VWA5B1: variants seen among roughly 807,000 people sequenced by gnomAD.
VWA5B1 encodes the protein von Willebrand factor A domain-containing protein 5B1.
A neutral mutation model predicts 118.2 loss-of-function variants in VWA5B1; 115 were observed. The ratio of observed to expected loss-of-function variants is 0.97; its 90% CI spans 0.84 to 1.14. The LOEUF (loss-of-function observed/expected upper bound fraction) is 1.14. VWA5B1 is among the 50% of genes most tolerant of loss of function. The probability of loss-of-function intolerance (pLI) is 0.00; values close to 1 mark genes in which losing one functional copy is unlikely to be tolerated. For missense variants in VWA5B1, 1,596 were observed against 1,603.8 expected, an observed-to-expected ratio of 1.00 and a Z score of 0.08; for synonymous variants, 682 against 658.4, an observed-to-expected ratio of 1.04 and a Z score of -0.55.
rs189490035 is a variant in VWA5B1, at chr1:20,357,259, T to C, written c.*2996T>C. Among the ~76,000 whole-genome samples the C allele has an allele frequency of 1.3e-5, 2 of 152,356 alleles. No individual in the cohort carries two copies. The highest frequency in any genetic ancestry group is 3.9e-4 in the East Asian group (2 of 5,190). On this transcript the variant is annotated 3_prime_UTR_variant, in exon 22 of 22. Transcript: ENST00000289815. ...CTTCTGGCAAATTACTTGCTTTCTC[T>C]GAACCCCTGTTTCATCTTTTGTGGA...
In VWA5B1 at chr1:20,332,825, G is replaced by T; in HGVS notation, c.1632G>T (p.Trp544Cys). 1 of 1,551,792 alleles carries T rather than the reference G, an allele frequency of 6.4e-7. No homozygotes were observed. The highest frequency in any genetic ancestry group is 1.2e-5 in the South Asian group (1 of 84,066). ...APVLSDVTVE[W>C]IFPETTEVLV... ...TCCTGAGCGATGTGACTGTGGAGTG[G>T]ATCTTCCCTGAGACCACTGAGGTCC... Residue 544 changes from tryptophan to cysteine, a missense_variant, in exon 12 of 22, where the codon TGG (tryptophan) becomes TGT (cysteine). Coordinates refer to ENST00000289815, the MANE Select transcript of VWA5B1 (RefSeq NM_001039500.3).
intron 14 of VWA5B1, 110 bp downstream of exon 14, chr1:20,337,946 A>G: frequency 7.4e-7 from 1 of 1,345,554 alleles, no homozygotes. Flanking sequence ...TACACTGCCA[A>G]GTGAGTCACT....
chr1:20,294,800 G>A (rs757778072), intron 1 of VWA5B1, among the ~76,000 whole-genome samples: 1 of 152,114 alleles, frequency 6.6e-6, no homozygotes, highest in Non-Finnish European at 1.5e-5. Flanking sequence ...TGTTGGTCTG[G>A]CTGGTCTCAA....
rs1192043383 is a variant in VWA5B1 at position 20,332,776 on chromosome 1, C to A, written c.1583C>A (p.Ser528Tyr). 2 of 1,551,658 alleles carry A rather than the reference C, an allele frequency of 1.3e-6. No individual in the cohort carries two copies. Among genetic ancestry groups the A allele is most frequent in the Non-Finnish European group, 8.7e-7 (1 of 1,146,954 alleles). The change falls in exon 12 of 22, where the codon TCC becomes TAC. Residue 528 changes from serine (S) to tyrosine (Y), a missense_variant. Physicochemically the swap from Ser to Tyr is moderately radical, Grantham distance 144 (BLOSUM62 -2). Transcript: ENST00000289815. ...GERLQPKMVKSLKKAMAPVLS... is the reference protein window; with the variant it reads ...GERLQPKMVKYLKKAMAPVLS... ...GACCCTGCCCTACAGATGGTCAAAT[C>A]CTTGAAGAAGGCCATGGCCCCAGTC...
At chr1:20,298,779 C>T (rs1378955377) in intron 1 of VWA5B1, among the ~76,000 whole-genome samples, 1 of 152,162 alleles carries the variant, frequency 6.6e-6, no homozygotes, top group Non-Finnish European at 1.5e-5. Context: ...GGCCTCCTCT[C>T]TCTGCTTCCT....
In VWA5B1 at chr1:20,337,103, G is replaced by A. The variant is rs145744415; in HGVS notation, c.1943-543G>A. Among the ~76,000 whole-genome samples, 347 of 152,044 alleles carry A rather than the reference G, an allele frequency of 2.3e-3. 1 individual carries two copies. Among genetic ancestry groups the A allele is most frequent in the Non-Finnish European group, 3.6e-3 (247 of 67,986 alleles). ...ACACACAATTGGCTTCTGATCTAGTGTGTTTGACCCACTTTGTACCTTTTA... is the reference window on the plus strand; with the variant it reads ...ACACACAATTGGCTTCTGATCTAGTATGTTTGACCCACTTTGTACCTTTTA... On this transcript the variant is annotated intron_variant, in intron 13 of 21. Transcript: ENST00000289815.
intron 1 of VWA5B1, among the ~76,000 whole-genome samples, chr1:20,296,560 C>G (rs767050784): frequency 6.6e-6 from 1 of 152,126 alleles, no homozygotes; most frequent in Non-Finnish European, 1.5e-5. Context: ...GAAATATGAC[C>G]TTTTTAAAAA....
chr1:20,311,931 G>A (rs973102816), intron 2 of VWA5B1, among the ~76,000 whole-genome samples: 2 of 152,194 alleles, frequency 1.3e-5, no homozygotes, highest in Non-Finnish European at 2.9e-5. Flanking sequence ...GACTCAGGGG[G>A]CTAAATACCA....
At chr1:20,322,616 G>A (rs1407891670) in intron 7 of VWA5B1, among the ~76,000 whole-genome samples, 6 of 152,136 alleles carry the variant, frequency 3.9e-5, no homozygotes, top group Admixed American at 6.5e-5. Context: ...GGCAGAGATC[G>A]GAGCAAAAAA....
At chr1:20,345,394 AG>A (rs2089985081) in intron 16 of VWA5B1, 61 bp from the exon 17 acceptor site, 2 of 1,548,932 alleles carry the variant, frequency 1.3e-6, no homozygotes, top group Admixed American at 2.0e-5. Flanking sequence ...TAGCTTCCAA[AG>A]CTTGTGTGTC....
chr1:20,298,312 G>A (rs1418358479), intron 1 of VWA5B1, among the ~76,000 whole-genome samples: 3 of 151,956 alleles, frequency 2.0e-5, no homozygotes, highest in Non-Finnish European at 4.4e-5. Context: ...CAGTCTCAGT[G>A]GTGAATCTGA....
intron 2 of VWA5B1, 140 bp from the exon 3 acceptor site, chr1:20,312,696 C>T: frequency 8.3e-7 from 1 of 1,210,048 alleles, no homozygotes; most frequent in African/African-American, 1.6e-5. Context: ...CAGTCTGGCT[C>T]TCTGCCGAGG....
At chr1:20,302,739 C>T (rs776967472) in intron 1 of VWA5B1, among the ~76,000 whole-genome samples, 4 of 152,082 alleles carry the variant, frequency 2.6e-5, no homozygotes, top group Admixed American at 6.6e-5. Flanking sequence ...TGCAGGACCC[C>T]GAGAAGGCTC....
chr1:20,328,326 G>A (rs561844366), intron 9 of VWA5B1, among the ~76,000 whole-genome samples: 6 of 152,168 alleles, frequency 3.9e-5, no homozygotes, highest in Non-Finnish European at 5.9e-5. Flanking sequence ...TGAAGCCTCC[G>A]TTTCACAAGG....
intron 1 of VWA5B1, among the ~76,000 whole-genome samples, chr1:20,291,457 T>A (rs1014199989): frequency 1.6e-5 from 2 of 124,572 alleles, no homozygotes; most frequent in Admixed American, 1.7e-4. Flanking sequence ...GTTTGCTTTC[T>A]GTGTCTGTTT....
At chr1:20,297,493 T>A (rs1021249040) in intron 1 of VWA5B1, among the ~76,000 whole-genome samples, 1 of 152,164 alleles carries the variant, frequency 6.6e-6, no homozygotes, top group African/African-American at 2.4e-5. Context: ...GAGCTGCAGC[T>A]TACCACGCAC....
At chr1:20,298,015 T>TTTG (rs1553193559) in intron 1 of VWA5B1, among the ~76,000 whole-genome samples, 41 of 140,390 alleles carry the variant, frequency 2.9e-4, no homozygotes, top group East Asian at 8.4e-4. Context: ...TTTTTTTTTT[T>TTTG]TTTGTTTGTT....
In VWA5B1 at chr1:20,320,893, G is replaced by A. The variant is rs557045760; in HGVS notation, c.966+1387G>A. Among the ~76,000 whole-genome samples, 5 of 152,254 alleles carry A rather than the reference G, an allele frequency of 3.3e-5. No homozygotes were observed. The South Asian group carries it at 6.2e-4, about 19-fold the overall frequency. On this transcript the variant is annotated intron_variant, in intron 7 of 21. Transcript: ENST00000289815. ...TAGGGCTCTGTCATCAAAAGAGCCC[G>A]TCTGGGCTGTGGCCTCTGGTGGAGC...
In VWA5B1 at chr1:20,337,802, G is replaced by T; in HGVS notation, c.2099G>T (p.Ser700Ile). ...ARLQDLTNQT[S>I]LDVQRWQIDL... The stretch of plus-strand genomic sequence containing the variant: ...CTGCAGGACCTCACCAACCAGACCA[G>T]CCTGGATGTCCAGCGGTGGCAGATT... The change falls in exon 14 of 22, where the codon AGC (serine) becomes ATC (isoleucine). Residue 700 changes from serine (S) to isoleucine (I), a missense_variant. Ser to Ile is a moderately radical substitution (Grantham distance 142). Transcript: ENST00000289815. 1 of 1,551,862 alleles carries T rather than the reference G, an allele frequency of 6.4e-7. No individual in the cohort carries two copies. Among genetic ancestry groups the T allele is most frequent in the Non-Finnish European group, 8.7e-7 (1 of 1,147,044 alleles).
Sources: allele counts gnomAD v4.1 joint callset (sites outside exome capture counted in the v4.1 genomes callset), GRCh38; gene constraint gnomAD v4.1.1; transcripts MANE v1.5; gene names NCBI Gene and HGNC (gene_info 2026-07-23, HGNC 2026-07-21).